The following EPHA6 variants were observed in gnomAD, a reference collection of about 807,000 sequenced individuals.
EPHA6 encodes ephrin type-A receptor 6.
Under a neutral mutation model 112.0 loss-of-function variants are expected in EPHA6, and 50 were observed. The ratio of observed to expected loss-of-function variants is 0.45; its 90% CI spans 0.36 to 0.56. The LOEUF (loss-of-function observed/expected upper bound fraction) is 0.56, where lower values mean the gene tolerates loss of function less well. EPHA6 is among the 20% of genes least tolerant of loss of function. EPHA6 has a pLI of 0.00. For synonymous variants in EPHA6, 529 were observed against 490.7 expected, an observed-to-expected ratio of 1.08 and a Z score of -1.03; for missense variants, 1,280 against 1,417.4, an observed-to-expected ratio of 0.90 and a Z score of 1.56.
chr3:97,427,337 C>T (rs2089207597), intron 6 of EPHA6, among the ~76,000 whole-genome samples: 1 of 152,176 alleles, frequency 6.6e-6, no homozygotes, highest in African/African-American at 2.4e-5. Context: ...CATACATATA[C>T]ACCATGGAAT....
At chr3:97,091,551 AG>A (rs1434344691) in intron 3 of EPHA6, among the ~76,000 whole-genome samples, 1 of 152,128 alleles carries the variant, frequency 6.6e-6, no homozygotes, top group Non-Finnish European at 1.5e-5. Flanking sequence ...AAGAGAAAAA[AG>A]TTGAATGTAG....
At chr3:96,859,230 T>C (rs1290745870) in intron 1 of EPHA6, among the ~76,000 whole-genome samples, 2 of 152,132 alleles carry the variant, frequency 1.3e-5, no homozygotes, top group Non-Finnish European at 2.9e-5. Flanking sequence ...TTGGCTGTAA[T>C]GTCAATGGAC....
At chr3:97,560,753 AC>A (rs1046969169) in intron 11 of EPHA6, among the ~76,000 whole-genome samples, 2 of 152,056 alleles carry the variant, frequency 1.3e-5, no homozygotes, top group African/African-American at 4.8e-5. Context: ...ATAAACAAAT[AC>A]AGGGATACTC....
intron 5 of EPHA6, among the ~76,000 whole-genome samples, chr3:97,291,467 T>C (rs1424957561): frequency 1.3e-5 from 2 of 152,220 alleles, no homozygotes; most frequent in African/African-American, 4.8e-5. Context: ...CCACCTGTTA[T>C]TGTATTGGAG....
At chr3:97,541,912 T>C (rs2092861409) in intron 11 of EPHA6, among the ~76,000 whole-genome samples, 1 of 151,590 alleles carries the variant, frequency 6.6e-6, no homozygotes, top group African/African-American at 2.4e-5. Flanking sequence ...TAATATTAAG[T>C]ATTAACTCAC....
At chr3:96,926,400 C>T (rs938804872) in intron 2 of EPHA6, among the ~76,000 whole-genome samples, 2 of 152,130 alleles carry the variant, frequency 1.3e-5, no homozygotes, top group Admixed American at 6.6e-5. Context: ...CCCCCCTGCC[C>T]CCCAACAAAT....
intron 10 of EPHA6, among the ~76,000 whole-genome samples, chr3:97,484,638 A>G (rs763288400): frequency 6.6e-6 from 1 of 152,210 alleles, no homozygotes; most frequent in Non-Finnish European, 1.5e-5. Flanking sequence ...GGCTAAGCCA[A>G]TGTAACAAAC....
At chr3:96,867,031 A>G (rs55723391) in intron 2 of EPHA6, 142 bp downstream of exon 2, 11,340 of 450,958 alleles carry the variant, frequency 0.025, 951 homozygotes, top group African/African-American at 0.19. Flanking sequence ...TTAAAATACA[A>G]TTAGAACTGG....
intron 13 of EPHA6, among the ~76,000 whole-genome samples, chr3:97,619,654 A>C (rs2093797404): frequency 6.6e-6 from 1 of 152,012 alleles, no homozygotes; most frequent in Non-Finnish European, 1.5e-5. Flanking sequence ...TCACAAAGGA[A>C]CCAAATTCAC....
At chr3:96,990,424 T>C (rs2043172836) in intron 3 of EPHA6, among the ~76,000 whole-genome samples, 1 of 152,142 alleles carries the variant, frequency 6.6e-6, no homozygotes, top group South Asian at 2.1e-4. Context: ...TACAGAACAA[T>C]TGTTCATCAC....
chr3:96,945,117 T>C (rs568605897), intron 2 of EPHA6, among the ~76,000 whole-genome samples: 8 of 152,244 alleles, frequency 5.3e-5, no homozygotes, highest in Non-Finnish European at 1.0e-4. Context: ...GAGAAACAGA[T>C]ATCTGTGATT....
At chr3:97,156,295 T>C (rs1156858126) in intron 3 of EPHA6, among the ~76,000 whole-genome samples, 1 of 152,150 alleles carries the variant, frequency 6.6e-6, no homozygotes, top group African/African-American at 2.4e-5. Flanking sequence ...TAAATGGCCA[T>C]ACCTGAAGCA....
At chr3:97,733,240 C>T (rs1300247090) in intron 15 of EPHA6, among the ~76,000 whole-genome samples, 1 of 152,030 alleles carries the variant, frequency 6.6e-6, no homozygotes, top group Non-Finnish European at 1.5e-5. Context: ...GGACAGGAGG[C>T]AGAAGCCACA....
intron 5 of EPHA6, among the ~76,000 whole-genome samples, chr3:97,256,071 T>C (rs1410362591): frequency 6.6e-6 from 1 of 152,132 alleles, no homozygotes; most frequent in East Asian, 1.9e-4. Context: ...TCCTCATTTA[T>C]GAAGAGTTAA....
intron 3 of EPHA6, among the ~76,000 whole-genome samples, chr3:97,092,057 T>C (rs1292261212): frequency 1.3e-5 from 2 of 151,862 alleles, no homozygotes; most frequent in Non-Finnish European, 2.9e-5. Context: ...ATTTTGTGTT[T>C]TTTTAAATGC....
At chr3:97,382,667 G>A (rs1245447976) in intron 5 of EPHA6, among the ~76,000 whole-genome samples, 1 of 151,832 alleles carries the variant, frequency 6.6e-6, no homozygotes, top group African/African-American at 2.4e-5. Flanking sequence ...TTACAAAGAT[G>A]GATCAGCAAT....
chr3:97,382,021 T>C (rs2085770169), intron 5 of EPHA6, among the ~76,000 whole-genome samples: 1 of 152,104 alleles, frequency 6.6e-6, no homozygotes, highest in South Asian at 2.1e-4. Flanking sequence ...TAATATTTAT[T>C]TACAAACAAT....
At chr3:97,419,950 C>T (rs969321901) in intron 6 of EPHA6, among the ~76,000 whole-genome samples, 36 of 151,914 alleles carry the variant, frequency 2.4e-4, no homozygotes, top group Non-Finnish European at 4.1e-4. Flanking sequence ...CAAGAAACTT[C>T]TGTGTACATT....
intron 11 of EPHA6, among the ~76,000 whole-genome samples, chr3:97,571,273 T>C (rs1043944220): frequency 6.6e-6 from 1 of 152,016 alleles, no homozygotes; most frequent in Non-Finnish European, 1.5e-5. Context: ...AGCAGACTCT[T>C]GCAGTAGTCA....
Sources: gnomAD v4.1 joint callset for allele counts (sites outside exome capture counted in the v4.1 genomes callset) on GRCh38, gnomAD v4.1.1 for gene constraint, MANE v1.5 for transcripts, NCBI Gene and HGNC (gene_info 2026-07-23, HGNC 2026-07-21) for gene names.